Variants in AP2A2 observed in about 807,000 individuals in gnomAD.
AP2A2 encodes adaptor related protein complex 2 subunit alpha 2.
In AP2A2, 32 loss-of-function variants were observed where a neutral mutation model predicts 104.2. The ratio of observed to expected loss-of-function variants is 0.31; its 90% confidence interval spans 0.23 to 0.41. The LOEUF is 0.41. Ranked by LOEUF, AP2A2 falls within the 10% of genes least tolerant of loss-of-function variation. The pLI, the probability that AP2A2 is intolerant of heterozygous loss-of-function variation, is 1.00. For synonymous variants in AP2A2, 539 were observed against 533.3 expected (o/e 1.01, Z -0.15); for missense variants, 912 against 1,261.0 (o/e 0.72, Z 4.19).
In AP2A2 at chr11:972,224, G is replaced by T. The variant is rs771202088; in HGVS notation, c.442G>T (p.Ala148Ser). The T allele has an allele frequency of 6.2e-7, 1 of 1,607,282 alleles. No individual in the cohort carries two copies. The change falls in exon 4 of 22, where the codon GCC becomes TCC. Residue 148 changes from alanine to serine, a missense_variant. Ala to Ser is a moderately conservative substitution (Grantham distance 99, BLOSUM62 1). Coordinates refer to ENST00000448903, the MANE Select transcript of AP2A2 (RefSeq NM_012305.4). ...CAGCCGGGAGATGGCCGAGGCCTTC[G>T]CCGGGGAGATCCCTAAGGTCCTCGT... ...VGSREMAEAFAGEIPKVLVAG... is the reference protein window; with the variant it reads ...VGSREMAEAFSGEIPKVLVAG...
chr11:1,009,243 C>G, intron 19 of AP2A2, 27 bp downstream of exon 19: 1 of 1,609,434 alleles, frequency 6.2e-7, no homozygotes, highest in Non-Finnish European at 8.5e-7. Context: ...CTGTAGGGGT[C>G]AGGGGTGGGG....
rs145052222 is a variant in AP2A2 at position 984,758 on chromosome 11, C to T, written c.814+5C>T. 23 of 1,592,358 alleles carry T rather than the reference C, an allele frequency of 1.4e-5. No individual in the cohort carries two copies. Among genetic ancestry groups the T allele is most frequent in the Middle Eastern group, 1.7e-4 (1 of 6,026 alleles). On this transcript the variant is annotated splice_donor_5th_base_variant and intron_variant, in intron 7 of 21. Transcript: ENST00000448903. ...TGCAGTGCTACCCACCCCCAGGTAA[C>T]GCGCAGGCCGCGGCTCCTGAAGCTG...
Position 977,083 on chromosome 11 carries a change from T to C in AP2A2, c.474-12T>C, listed in dbSNP as rs1177808737. 6.2e-7 allele frequency: 1 copy of C among 1,613,434 alleles called. No individual in the cohort carries two copies. The highest frequency in any genetic ancestry group is 2.2e-5 in the East Asian group (1 of 44,882). On this transcript the variant is annotated splice_polypyrimidine_tract_variant and intron_variant, in intron 4 of 21. Coordinates refer to ENST00000448903, the MANE Select transcript of AP2A2 (RefSeq NM_012305.4). Reference sequence around the variant, plus strand: ...AGCCTGTTGCGAGTGACTCTTGACGTCTGTCTTTCAGAGACACTATGGACA... The same window carrying C: ...AGCCTGTTGCGAGTGACTCTTGACGCCTGTCTTTCAGAGACACTATGGACA...
intron 8 of AP2A2, 48 bp downstream of exon 8, chr11:985,630 G>C (rs376131276): frequency 6.2e-7 from 1 of 1,609,306 alleles, no homozygotes; most frequent in Non-Finnish European, 8.5e-7. Context: ...ACACACACAC[G>C]TTCCTTCTCG....
Position 969,220 on chromosome 11 carries a change from CTTTT to C in AP2A2, c.137-925_137-922del, listed in dbSNP as rs1190722379. 6.2e-5 allele frequency among the ~76,000 whole-genome samples: 3 copies of C among 48,038 alleles called. 1 individual carries two copies. The highest frequency in any genetic ancestry group is 8.6e-5 in the Non-Finnish European group (2 of 23,286). 31.5% of individuals were successfully genotyped at this position (48,038 alleles called of 152,430 possible). ...AAACTCCTGGCAATGTAGAACAGCC[CTTTT>C]TTTTTTTTTTTTTTTTTTTTTTTGA... On this transcript the variant is annotated intron_variant, in intron 2 of 21. Transcript: ENST00000448903.
intron 4 of AP2A2, among the ~76,000 whole-genome samples, chr11:974,574 A>T (rs1162657356): frequency 1.3e-5 from 2 of 151,624 alleles, no homozygotes; most frequent in Non-Finnish European, 2.9e-5. Flanking sequence ...CCAGCTACTC[A>T]GAAGGCTTGA....
chr11:972,258 A>G lies in AP2A2; in HGVS notation c.473+3A>G, dbSNP rs942404129. 2 of 1,589,440 alleles carry G rather than the reference A, an allele frequency of 1.3e-6. No homozygotes were observed. Among genetic ancestry groups the G allele is most frequent in the Non-Finnish European group, 1.7e-6 (2 of 1,172,340 alleles). ...ATCCCTAAGGTCCTCGTAGCCGGGT[A>G]TGTGCCGGGCTCGTGCCGGGCTCCT... On this transcript the variant is annotated splice_donor_region_variant and intron_variant, in intron 4 of 21. Coordinates refer to ENST00000448903, the MANE Select transcript of AP2A2 (RefSeq NM_012305.4).
chr11:948,733 G>A (rs1853936162), intron 1 of AP2A2, among the ~76,000 whole-genome samples: 1 of 152,090 alleles, frequency 6.6e-6, no homozygotes, highest in African/African-American at 2.4e-5. Flanking sequence ...CAAGTGTGGT[G>A]GTGCACACTG....
chr11:983,167 G>A (rs1017263008), intron 6 of AP2A2, among the ~76,000 whole-genome samples: 2 of 150,772 alleles, frequency 1.3e-5, no homozygotes, highest in Non-Finnish European at 3.0e-5. Context: ...ACAGGCCGTC[G>A]CCACCACGCC....
chr11:935,628 G>A (rs1853433059), intron 1 of AP2A2, among the ~76,000 whole-genome samples: 1 of 37,508 alleles, frequency 2.7e-5, no homozygotes, highest in Admixed American at 2.5e-4. Context: ...TTTTTTTTGA[G>A]ATAGAGTCTC....
rs1265748052 is a variant in AP2A2 at position 968,983 on chromosome 11, G to A, written c.137-1186G>A. ...GTCTGTATTCTACACAGTTGAGGTC[G>A]TCCGTGGAGGTGTGAGCGCCCCAGC... On this transcript the variant is annotated intron_variant, in intron 2 of 21. Coordinates refer to ENST00000448903, the MANE Select transcript of AP2A2 (RefSeq NM_012305.4). This position sits in a 1 kb window ranked among gnomAD's most constrained non-coding sequence, Gnocchi z 4.2. Among the ~76,000 whole-genome samples the A allele has an allele frequency of 1.3e-5, 2 of 152,124 alleles. No homozygotes were observed. The highest frequency in any genetic ancestry group is 1.5e-5 in the Non-Finnish European group (1 of 68,020).
chr11:994,098 A>G lies in AP2A2; in HGVS notation c.1809A>G (p.Pro603=), dbSNP rs368977439. 32 of 1,612,992 alleles carry G rather than the reference A, an allele frequency of 2.0e-5. No individual in the cohort carries two copies. The highest frequency in any genetic ancestry group is 2.7e-5 in the Non-Finnish European group (32 of 1,179,836). Residue 603 remains proline, a synonymous_variant, in exon 14 of 22, where the codon CCA becomes CCG. Coordinates refer to ENST00000448903, the MANE Select transcript of AP2A2 (RefSeq NM_012305.4). ...ILATVLEEMP[P]FPERESSILA... ...CGACCGTGCTGGAGGAGATGCCCCC[A>G]TTCCCGGAGCGGGAGTCCTCCATCT...
At chr11:978,579 C>T (rs1341209974) in intron 5 of AP2A2, among the ~76,000 whole-genome samples, 1 of 152,172 alleles carries the variant, frequency 6.6e-6, no homozygotes, top group Non-Finnish European at 1.5e-5. Context: ...CAGCCAACCC[C>T]AGGGTGGGCT....
At chr11:984,783 G>C (rs767952102) in intron 7 of AP2A2, 30 bp downstream of exon 7, 4 of 1,506,210 alleles carry the variant, frequency 2.7e-6, no homozygotes, top group Non-Finnish European at 3.7e-6. Flanking sequence ...TCCTGAAGCT[G>C]CACCAGTGCC....
intron 1 of AP2A2, among the ~76,000 whole-genome samples, chr11:959,054 C>T (rs529123483): frequency 2.4e-4 from 36 of 152,316 alleles, no homozygotes; most frequent in African/African-American, 1.9e-4. Context: ...AGTAAACCTC[C>T]GTGTTATTAG....
rs1854713858 is a variant in AP2A2 at position 968,791 on chromosome 11, G to GGGGA, written c.137-1371_137-1368dup. 1.3e-5 allele frequency among the ~76,000 whole-genome samples: 2 copies of GGGGA among 152,016 alleles called. No individual in the cohort carries two copies. The highest frequency in any genetic ancestry group is 6.6e-5 in the Admixed American group (1 of 15,254). On this transcript the variant is annotated intron_variant, in intron 2 of 21. Coordinates refer to ENST00000448903, the MANE Select transcript of AP2A2 (RefSeq NM_012305.4). The surrounding 1 kb of genome is among the most constrained non-coding windows in gnomAD (Gnocchi z 4.2). ...CAAGCAGATAAGTGGGTCGGGGCCG[G>GGGGA]GGGAGGGAGGAACCAGGTCGGGTCT...
intron 2 of AP2A2, among the ~76,000 whole-genome samples, chr11:964,639 C>A (rs1854549647): frequency 1.3e-5 from 2 of 152,138 alleles, no homozygotes; most frequent in Non-Finnish European, 2.9e-5. Flanking sequence ...ATGCCACAGT[C>A]TCACTTTTCC....
chr11:934,863 CTTTTT>C (rs573925246), intron 1 of AP2A2, among the ~76,000 whole-genome samples: 1 of 144,200 alleles, frequency 6.9e-6, no homozygotes, highest in Admixed American at 7.0e-5. Context: ...CTTTTCTTTT[CTTTTT>C]TTTTTTTGGA....
chr11:976,373 A>G (rs949057310), intron 4 of AP2A2, among the ~76,000 whole-genome samples: 1 of 152,200 alleles, frequency 6.6e-6, no homozygotes, highest in Non-Finnish European at 1.5e-5. Context: ...TCTGCCTTCC[A>G]TGTGGGGCAG....
Sources: gnomAD v4.1 joint callset for allele counts (sites outside exome capture counted in the v4.1 genomes callset) on GRCh38, gnomAD v4.1.1 for gene constraint, Gnocchi (gnomAD v3.1) non-coding constraint, MANE v1.5 for transcripts, NCBI Gene and HGNC (gene_info 2026-07-23, HGNC 2026-07-21) for gene names.